LRRC28: variants seen among roughly 807,000 people sequenced by gnomAD.
The protein encoded by LRRC28 is leucine rich repeat containing 28.
A neutral mutation model predicts 45.7 loss-of-function variants in LRRC28; 39 were observed. The observed-to-expected ratio is 0.85, with a 90% CI of 0.66 to 1.12. The LOEUF is 1.12. Among genes scored for constraint, LRRC28 ranks in the 50% most tolerant of loss-of-function variants. The pLI is 0.00. For missense variants in LRRC28, 435 were observed against 438.5 expected (o/e 0.99, Z 0.07); for synonymous variants, 206 against 178.8 (o/e 1.15, Z -1.22).
intron 3 of LRRC28, chr15:99,285,083 A>C: frequency 1.5e-6 from 1 of 688,868 alleles, no homozygotes; most frequent in East Asian, 2.7e-5. Flanking sequence ...ACATTATGGT[A>C]TTTCTGAGTG....
rs182212796 is a variant in LRRC28 at position 99,269,679 on chromosome 15, A to G, written c.169-6897A>G. On this transcript the variant is annotated intron_variant, in intron 2 of 9. Coordinates refer to ENST00000301981, the MANE Select transcript of LRRC28 (RefSeq NM_144598.5). ...CAGCCTCCCAAAGTGTTAGGATTAC[A>G]GGTGTGAGCTACCATGCCTGGCCTT... 1.5e-4 allele frequency among the ~76,000 whole-genome samples: 23 copies of G among 152,340 alleles called. 1 individual carries two copies. Among genetic ancestry groups the G allele is most frequent in the Non-Finnish European group, 2.6e-4 (18 of 68,040 alleles).
At chr15:99,333,568 T>C (rs35515751) in intron 5 of LRRC28, 19,495 of 226,700 alleles carry the variant, frequency 0.086, 1,083 homozygotes, top group African/African-American at 0.16. Context: ...AAAACCAGGT[T>C]CCTTGAAATG....
chr15:99,368,204 A>G (rs929618101), intron 9 of LRRC28, among the ~76,000 whole-genome samples: 2 of 152,150 alleles, frequency 1.3e-5, no homozygotes, highest in African/African-American at 4.8e-5. Context: ...TCAAAATCTC[A>G]TCTTAAATAT....
At chr15:99,267,020 C>T (rs2081350034) in intron 2 of LRRC28, among the ~76,000 whole-genome samples, 1 of 152,114 alleles carries the variant, frequency 6.6e-6, no homozygotes, top group Non-Finnish European at 1.5e-5. Flanking sequence ...GAAAACTCTA[C>T]TAGTAAGTTT....
chr15:99,350,203 T>TATAAG (rs1352659526), intron 6 of LRRC28, among the ~76,000 whole-genome samples: 3 of 151,974 alleles, frequency 2.0e-5, no homozygotes, highest in Admixed American at 2.0e-4. Flanking sequence ...TTTTCTTACC[T>TATAAG]ATAAGGATGG....
At chr15:99,259,142 CT>C in intron 2 of LRRC28, 2 of 1,315,542 alleles carry the variant, frequency 1.5e-6, no homozygotes, top group Non-Finnish European at 2.2e-6. Context: ...TGCTAAACTT[CT>C]TAGGTTCCAG....
chr15:99,271,520 A>C (rs1019899520), intron 2 of LRRC28, among the ~76,000 whole-genome samples: 5 of 152,030 alleles, frequency 3.3e-5, no homozygotes, highest in Admixed American at 3.3e-4. Context: ...CTCATGATCC[A>C]CTTGCCTCAG....
intron 9 of LRRC28, among the ~76,000 whole-genome samples, chr15:99,370,948 A>G (rs536845714): frequency 4.5e-4 from 69 of 152,320 alleles, no homozygotes; most frequent in African/African-American, 1.6e-3. Context: ...GAAATTAAAA[A>G]TATTTTTAAT....
intron 2 of LRRC28, among the ~76,000 whole-genome samples, chr15:99,270,809 A>G (rs891310814): frequency 1.3e-5 from 2 of 152,228 alleles, no homozygotes; most frequent in South Asian, 2.1e-4. Context: ...TTACAGGGTC[A>G]TACGGTAATT....
intron 3 of LRRC28, chr15:99,284,855 A>G (rs2081914018): frequency 8.9e-6 from 5 of 563,422 alleles, no homozygotes; most frequent in Non-Finnish European, 1.7e-5. Context: ...CATTGTAGCC[A>G]TCCCCACTGC....
chr15:99,257,705 T>C, intron 2 of LRRC28: 1 of 767,426 alleles, frequency 1.3e-6, no homozygotes, highest in Non-Finnish European at 2.4e-6. Flanking sequence ...TTGATGAAGT[T>C]GATGTGGAAG....
At chr15:99,382,499 C>T (rs1438401918) in intron 9 of LRRC28, among the ~76,000 whole-genome samples, 4 of 152,204 alleles carry the variant, frequency 2.6e-5, no homozygotes, top group Non-Finnish European at 5.9e-5. Flanking sequence ...CTTCTTTCAC[C>T]TAGATATTTA....
At chr15:99,323,035 G>A (rs916458944) in intron 5 of LRRC28, among the ~76,000 whole-genome samples, 9 of 152,170 alleles carry the variant, frequency 5.9e-5, no homozygotes, top group South Asian at 4.1e-4. Flanking sequence ...ACAATTTCTG[G>A]TCCATGATGC....
chr15:99,374,272 G>A (rs192352909), intron 9 of LRRC28, among the ~76,000 whole-genome samples: 65 of 152,144 alleles, frequency 4.3e-4, no homozygotes, highest in Middle Eastern at 3.4e-3. Flanking sequence ...TACTTCTTTC[G>A]TCAGCATCTT....
rs1276494333 is a variant in LRRC28, at chr15:99,363,263, GT to G, written c.1030del (p.Trp344GlyfsTer23). 3 of 1,613,818 alleles carry G rather than the reference GT, an allele frequency of 1.9e-6. No homozygotes were observed. Among genetic ancestry groups the G allele is most frequent in the Non-Finnish European group, 8.5e-7 (1 of 1,179,824 alleles). On this transcript the variant is annotated frameshift_variant and splice_region_variant, in exon 9 of 10. Coordinates refer to ENST00000301981, the MANE Select transcript of LRRC28 (RefSeq NM_144598.5). LOFTEE classifies it high-confidence loss of function. The part of the protein sequence containing the change: ...RETPMAGLHQ[W>X]KTTVSFVAYC... The stretch of plus-strand genomic sequence containing the variant: ...AGACGCCAATGGCAGGGCTGCACCA[GT>G]GGTAATCATGCCTAAGTGGGCACCA...
chr15:99,326,418 G>C (rs1955979041), intron 5 of LRRC28: 1 of 152,150 alleles, frequency 6.6e-6, no homozygotes, highest in African/African-American at 2.4e-5. Context: ...AGATGGGCAA[G>C]ACAGTCCCTG....
intron 2 of LRRC28, among the ~76,000 whole-genome samples, chr15:99,261,210 A>G (rs2081188665): frequency 6.6e-6 from 1 of 152,252 alleles, no homozygotes; most frequent in African/African-American, 2.4e-5. Context: ...ATTTAAAAGA[A>G]TAAACTTTTC....
intron 6 of LRRC28, among the ~76,000 whole-genome samples, chr15:99,343,556 A>G (rs1268218038): frequency 6.6e-6 from 1 of 152,240 alleles, no homozygotes; most frequent in Admixed American, 6.5e-5. Flanking sequence ...TTTTGGACAC[A>G]ATACAGTACT....
At position 99,334,017 on chromosome 15, in the gene LRRC28, G is replaced by A; in HGVS notation, c.480G>A (p.Gln160=). 1 of 1,614,130 alleles carries A rather than the reference G, an allele frequency of 6.2e-7. No homozygotes were observed. Among genetic ancestry groups the A allele is most frequent in the African/African-American group, 1.3e-5 (1 of 75,030 alleles). Residue 160 remains glutamine, a synonymous_variant, in exon 6 of 10, where the codon CAG becomes CAA. Transcript: ENST00000301981. ...PERLHMCLSL[Q]YLTVDRNRLW... is the part of the protein sequence containing the mutation. The stretch of plus-strand genomic sequence containing the variant: ...GGCTTCACATGTGCCTTTCTCTGCA[G>A]TACCTCACTGTGGACCGAAATCGTC...
Sources: allele counts gnomAD v4.1 joint callset (sites outside exome capture counted in the v4.1 genomes callset), GRCh38; gene constraint gnomAD v4.1.1; transcripts MANE v1.5; gene names NCBI Gene and HGNC (gene_info 2026-07-23, HGNC 2026-07-21).